RHCE: variants seen among roughly 807,000 people sequenced by gnomAD.
The protein encoded by RHCE is Rh blood group CcEe antigens.
A neutral mutation model predicts 43.8 loss-of-function variants in RHCE; 22 were observed. The observed-to-expected ratio is 0.50, with a 90% CI of 0.36 to 0.72. RHCE has a LOEUF of 0.72. Among genes scored for constraint, RHCE ranks in the 30% least tolerant of loss-of-function variants. The pLI, the probability that RHCE is intolerant of heterozygous loss-of-function variation, is 0.00. For synonymous variants in RHCE, 156 were observed against 210.7 expected, an observed-to-expected ratio of 0.74 and a Z score of 2.25; for missense variants, 385 against 525.4, an observed-to-expected ratio of 0.73 and a Z score of 2.61.
intron 7 of RHCE, among the ~76,000 whole-genome samples, chr1:25,377,145 T>C (rs985385914): frequency 6.6e-6 from 1 of 152,074 alleles, no homozygotes; most frequent in Non-Finnish European, 1.5e-5. Flanking sequence ...CTCAGGGAAA[T>C]GTTTGTTGAA....
upstream of RHCE, among the ~76,000 whole-genome samples, chr1:25,423,286 T>G (rs1475055635): frequency 6.6e-6 from 1 of 152,206 alleles, no homozygotes; most frequent in Non-Finnish European, 1.5e-5. Flanking sequence ...ATGTGACCCC[T>G]GCTAACCTGG....
chr1:25,371,048 A>G (rs1571826801), intron 8 of RHCE, among the ~76,000 whole-genome samples: 1 of 144,250 alleles, frequency 6.9e-6, no homozygotes, highest in South Asian at 2.2e-4. Flanking sequence ...AAGCCACCAC[A>G]CCCGGCCGAT....
At chr1:25,401,174 C>T (rs1351889561) in intron 3 of RHCE, among the ~76,000 whole-genome samples, 11 of 152,142 alleles carry the variant, frequency 7.2e-5, no homozygotes, top group Admixed American at 7.2e-4. Flanking sequence ...AGTAAAGGGG[C>T]TTCATGCTTT....
chr1:25,419,029 TA>T, intron 1 of RHCE, among the ~76,000 whole-genome samples: 1 of 152,336 alleles, frequency 6.6e-6, no homozygotes, highest in East Asian at 1.9e-4. Flanking sequence ...GTAAGGAAAC[TA>T]AATCCAGGGT....
chr1:25,396,598 C>CATCTTACGTGGTGG (rs1482217776), intron 3 of RHCE, among the ~76,000 whole-genome samples: 15 of 152,138 alleles, frequency 9.9e-5, no homozygotes, highest in Non-Finnish European at 2.2e-4. Flanking sequence ...AAGCAAGGCA[C>CATCTTACGTGGTGG]ATCTTACGTG....
rs367680262 is a variant in RHCE, at chr1:25,401,842, GTATC to G, written c.486+750_486+753del. Among the ~76,000 whole-genome samples, 821 of 150,176 alleles carry G rather than the reference GTATC, an allele frequency of 5.5e-3. 4 individuals carry two copies. The highest frequency in any genetic ancestry group is 0.019 in the African/African-American group (749 of 39,814). On this transcript the variant is annotated intron_variant, in intron 3 of 9. Transcript: ENST00000294413. ...ACCACACTTTTGTAACCTCATTTGG[GTATC>G]TATCTATCTATCAATCTTTTCTTTT...
chr1:25,386,167 T>C (rs2124398843), intron 6 of RHCE, among the ~76,000 whole-genome samples: 1 of 152,278 alleles, frequency 6.6e-6, no homozygotes, highest in South Asian at 2.1e-4. Context: ...CAGCTGATAA[T>C]TCCTTGTGAT....
chr1:25,429,610 A>AT (rs2042834405), intron 1 of RHCE, among the ~76,000 whole-genome samples: 2 of 152,224 alleles, frequency 1.3e-5, no homozygotes, highest in East Asian at 3.9e-4. Context: ...TGTTAAAAAC[A>AT]GTATGACTAC....
chr1:25,362,360 A>C lies in RHCE; in HGVS notation c.*167T>G. The C allele has an allele frequency of 6.8e-7, 1 of 1,470,480 alleles. No homozygotes were observed. The highest frequency in any genetic ancestry group is 2.1e-5 in the Admixed American group (1 of 47,166). 91.1% of individuals were successfully genotyped at this position (1,470,480 alleles called of 1,614,324 possible). On this transcript the variant is annotated 3_prime_UTR_variant, in exon 10 of 10. Transcript: ENST00000294413. ...AACTTATTAAATTGACTCTTAAACT[A>C]AGTTTTTAGTCTTTAATTTTTTAAT...
upstream of RHCE, among the ~76,000 whole-genome samples, chr1:25,421,823 C>T (rs2375310): frequency 1.0e-3 from 153 of 149,920 alleles, no homozygotes; most frequent in African/African-American, 3.7e-3. Flanking sequence ...GGAGTTTCCT[C>T]ATTTTCTACA....
chr1:25,423,553 C>A (rs1383629762), upstream of RHCE, among the ~76,000 whole-genome samples: 2 of 152,214 alleles, frequency 1.3e-5, no homozygotes, highest in African/African-American at 4.8e-5. Context: ...CCTCGCAGAA[C>A]AGAAATGCTT....
chr1:25,380,430 T>C (rs1645957910), intron 7 of RHCE, among the ~76,000 whole-genome samples: 1 of 150,836 alleles, frequency 6.6e-6, no homozygotes, highest in Admixed American at 6.6e-5. Context: ...AAGCTGGCAT[T>C]GCACTATGAT....
chr1:25,372,047 T>C (rs1645625677), intron 8 of RHCE, among the ~76,000 whole-genome samples: 2 of 151,606 alleles, frequency 1.3e-5, no homozygotes, highest in South Asian at 4.1e-4. Flanking sequence ...GTCTAAAATA[T>C]ATTTTGTCTT....
chr1:25,414,199 C>T (rs1170793941), intron 1 of RHCE, among the ~76,000 whole-genome samples: 1 of 151,704 alleles, frequency 6.6e-6, no homozygotes, highest in Non-Finnish European at 1.5e-5. Context: ...GCAAAGAGTT[C>T]GTTTGGATAA....
intron 6 of RHCE, among the ~76,000 whole-genome samples, chr1:25,386,355 A>C (rs937394650): frequency 2.6e-5 from 4 of 152,222 alleles, no homozygotes; most frequent in African/African-American, 9.7e-5. Flanking sequence ...ACCATCCCAA[A>C]GACAACACAG....
chr1:25,422,556 T>G (rs1266804086), upstream of RHCE, among the ~76,000 whole-genome samples: 1 of 152,174 alleles, frequency 6.6e-6, no homozygotes, highest in African/African-American at 2.4e-5. Flanking sequence ...CTGGGATGGG[T>G]ACTATTAAGC....
In RHCE at chr1:25,388,709, T is replaced by C. The variant is rs577198879; in HGVS notation, c.939+267A>G. On this transcript the variant is annotated intron_variant, in intron 6 of 9. Transcript: ENST00000294413. ...GCTCCCCACAACACTCCAGTCCCTG[T>C]CCTTGAGTTCTGTGACACCCCTGTA... is the stretch of plus-strand genomic sequence containing the variant. 3.9e-5 allele frequency among the ~76,000 whole-genome samples: 6 copies of C among 152,298 alleles called. No individual in the cohort carries two copies. The South Asian group carries it at 1.2e-3, about 32-fold the overall frequency.
intron 6 of RHCE, among the ~76,000 whole-genome samples, chr1:25,386,175 G>C (rs1318269174): frequency 2.0e-5 from 3 of 152,182 alleles, no homozygotes; most frequent in African/African-American, 4.8e-5. Flanking sequence ...AATTCCTTGT[G>C]ATGGGGGCTG....
chr1:25,391,226 C>T lies in RHCE; in HGVS notation c.635-311G>A, dbSNP rs1646350947. On this transcript the variant is annotated intron_variant, in intron 4 of 9. Transcript: ENST00000294413. ...TTGAGATGGACTCTTGCTCTGTTGC[C>T]CAGGCTGGAGTGCAGTGGCGCGATC... Among the ~76,000 whole-genome samples, 4 of 151,970 alleles carry T rather than the reference C, an allele frequency of 2.6e-5. 1 individual carries two copies. In the South Asian group the frequency reaches 8.3e-4, roughly 32 times the overall value.
Sources: gnomAD v4.1 joint callset for allele counts (sites outside exome capture counted in the v4.1 genomes callset) on GRCh38, gnomAD v4.1.1 for gene constraint, MANE v1.5 for transcripts, NCBI Gene and HGNC (gene_info 2026-07-23, HGNC 2026-07-21) for gene names.